The following ZC2HC1A variants were observed in gnomAD, a reference collection of about 807,000 sequenced individuals.
ZC2HC1A encodes the protein zinc finger C2HC domain-containing protein 1A.
ZC2HC1A carries 28 observed loss-of-function variants against 40.7 expected under a neutral mutation model. The ratio of observed to expected loss-of-function variants is 0.69; its 90% confidence interval spans 0.51 to 0.94. The LOEUF is 0.94. Ranked by LOEUF, ZC2HC1A falls within the 40% of genes least tolerant of loss-of-function variation. The pLI is 0.00. For missense variants in ZC2HC1A, 389 were observed against 386.3 expected, an observed-to-expected ratio of 1.01 and a Z score of -0.06; for synonymous variants, 129 against 129.2, an observed-to-expected ratio of 1.00 and a Z score of 0.01.
intron 6 of ZC2HC1A, 33 bp from the exon 7 acceptor site, chr8:78,698,381 G>A (rs1428535286): frequency 6.5e-7 from 1 of 1,538,350 alleles, no homozygotes; most frequent in Middle Eastern, 1.7e-4. Flanking sequence ...CTTTTTTAGA[G>A]TATTGTTAAA....
intron 7 of ZC2HC1A, among the ~76,000 whole-genome samples, chr8:78,708,196 C>T (rs1482289484): frequency 1.3e-5 from 2 of 152,254 alleles, no homozygotes; most frequent in South Asian, 4.1e-4. Flanking sequence ...ATAAATTGAG[C>T]ATTCGCTGAG....
At chr8:78,692,830 C>A (rs1421768108) in intron 5 of ZC2HC1A, among the ~76,000 whole-genome samples, 1 of 152,100 alleles carries the variant, frequency 6.6e-6, no homozygotes, top group Non-Finnish European at 1.5e-5. Flanking sequence ...GTGCTGCACC[C>A]ATTAACTCGT....
At chr8:78,712,107 G>A (rs975750969) in intron 7 of ZC2HC1A, 1 of 1,266,208 alleles carries the variant, frequency 7.9e-7, no homozygotes. Context: ...CTATTTACAA[G>A]TAAGTATTTG....
chr8:78,688,480 A>G (rs1482072868), intron 4 of ZC2HC1A, among the ~76,000 whole-genome samples: 1 of 152,194 alleles, frequency 6.6e-6, no homozygotes, highest in African/African-American at 2.4e-5. Flanking sequence ...ACCTGTTAAA[A>G]TAAGTTGTAA....
rs1054283 is a variant in ZC2HC1A at position 78,698,475 on chromosome 8, A to G, written c.666A>G (p.Leu222=). The change falls in exon 7 of 9, where the codon TTA becomes TTG. Residue 222 remains leucine, a synonymous_variant. Coordinates refer to ENST00000263849, the MANE Select transcript of ZC2HC1A (RefSeq NM_016010.3). ...CTTTGGGAAACAAACTTCAGACCTT[A>G]TCTCCCTCTCATAAAGGGATAGCAG... The part of the protein sequence containing the change: ...SSSLGNKLQT[L]SPSHKGIAAP... 1,190,477 of 1,610,586 alleles carry G rather than the reference A, an allele frequency of 0.74. 443,631 individuals carry two copies. Among genetic ancestry groups the G allele is most frequent in the East Asian group, 0.92 (41,111 of 44,796 alleles).
At chr8:78,709,144 A>ATTTTTT (rs1563638626) in intron 7 of ZC2HC1A, among the ~76,000 whole-genome samples, 1 of 152,204 alleles carries the variant, frequency 6.6e-6, no homozygotes, top group African/African-American at 2.4e-5. Context: ...AATATCAGAG[A>ATTTTTT]TTTACTTCCT....
chr8:78,677,831 G>A (rs1488524398), intron 2 of ZC2HC1A, among the ~76,000 whole-genome samples: 6 of 152,120 alleles, frequency 3.9e-5, no homozygotes, highest in African/African-American at 1.4e-4. Context: ...AGTTGATTAA[G>A]AAAGTAAAGG....
chr8:78,666,178 G>A lies in ZC2HC1A; in HGVS notation c.16+14G>A. On this transcript the variant is annotated intron_variant, in intron 1 of 8. Transcript: ENST00000263849. ...AGGGACTGGAAGGTGAGGCGATGAA[G>A]GGATGAGGGCAGGACGGCTAGAGCG... 4 of 1,574,196 alleles carry A rather than the reference G, an allele frequency of 2.5e-6. No individual in the cohort carries two copies. The highest frequency in any genetic ancestry group is 3.4e-6 in the Non-Finnish European group (4 of 1,160,178).
At chr8:78,685,253 C>G (rs1266948075) in intron 3 of ZC2HC1A, among the ~76,000 whole-genome samples, 1 of 16,624 alleles carries the variant, frequency 6.0e-5, no homozygotes, top group South Asian at 3.5e-3. Context: ...AACTGCATAG[C>G]CATGTTAAAA....
chr8:78,706,082 G>C (rs1470343577), intron 7 of ZC2HC1A, among the ~76,000 whole-genome samples: 1 of 152,086 alleles, frequency 6.6e-6, no homozygotes, highest in Non-Finnish European at 1.5e-5. Flanking sequence ...GCCTCTGGTT[G>C]GTTTGTACTC....
chr8:78,693,213 G>A (rs1810273702), intron 5 of ZC2HC1A, among the ~76,000 whole-genome samples: 3 of 152,124 alleles, frequency 2.0e-5, no homozygotes, highest in Admixed American at 2.0e-4. Flanking sequence ...TGTCTTTATA[G>A]CAGCATGATT....
intron 1 of ZC2HC1A, among the ~76,000 whole-genome samples, chr8:78,668,078 G>A (rs1809351587): frequency 1.3e-5 from 2 of 152,000 alleles, no homozygotes; most frequent in Admixed American, 1.3e-4. Flanking sequence ...TTGAATTCTG[G>A]TAATTTCAAG....
intron 7 of ZC2HC1A, among the ~76,000 whole-genome samples, chr8:78,714,221 G>A (rs969162299): frequency 6.6e-6 from 1 of 152,044 alleles, no homozygotes; most frequent in African/African-American, 2.4e-5. Flanking sequence ...GGTCACCTTG[G>A]GTAAGTTACT....
At chr8:78,702,159 G>T (rs895800387) in intron 7 of ZC2HC1A, among the ~76,000 whole-genome samples, 1 of 152,060 alleles carries the variant, frequency 6.6e-6, no homozygotes, top group East Asian at 1.9e-4. Context: ...CTCGTTATTT[G>T]TCTGTTCAGG....
chr8:78,717,503 C>CG lies in ZC2HC1A; in HGVS notation c.*10_*11insG. 2 of 1,256,620 alleles carry CG rather than the reference C, an allele frequency of 1.6e-6. No homozygotes were observed. The highest frequency in any genetic ancestry group is 2.1e-6 in the Non-Finnish European group (2 of 971,982). 77.8% of individuals were successfully genotyped at this position (1,256,620 alleles called of 1,614,324 possible). A position where few individuals can be genotyped will look rare whatever the true frequency, so the allele number is the denominator to read the frequency against. On this transcript the variant is annotated 3_prime_UTR_variant, in exon 9 of 9. Transcript: ENST00000263849. Reference sequence around the variant, plus strand: ...AAGAATGATTCTATGAATAGAATCTCAAAAAAAAAAAAAAGCCAAGTTCAG... The same window carrying CG: ...AAGAATGATTCTATGAATAGAATCTCGAAAAAAAAAAAAAAGCCAAGTTCAG...
Position 78,719,564 on chromosome 8 carries a change from C to T in ZC2HC1A, c.*2071C>T, listed in dbSNP as rs1389987260. 1.3e-5 allele frequency: 2 copies of T among 151,560 alleles called. No homozygotes were observed. Among genetic ancestry groups the T allele is most frequent in the African/African-American group, 4.8e-5 (2 of 41,336 alleles). The allele number at this position is 151,560 out of a possible 1,614,324, so 9.4% of individuals were successfully genotyped here. A position where few individuals can be genotyped will look rare whatever the true frequency, so the allele number is the denominator to read the frequency against. ...TGTATTTTATTTTTATTTATTTTCA[C>T]AAGTATTTGACAGTATGGTAGAATA... On this transcript the variant is annotated 3_prime_UTR_variant, in exon 9 of 9. Transcript: ENST00000263849.
intron 3 of ZC2HC1A, among the ~76,000 whole-genome samples, chr8:78,683,554 C>G (rs1444852861): frequency 1.3e-5 from 2 of 152,140 alleles, no homozygotes; most frequent in Non-Finnish European, 2.9e-5. Context: ...AGTAGGGGGG[C>G]CCTGGACCTG....
In ZC2HC1A at chr8:78,705,611, G is replaced by T. The variant is rs138517280; in HGVS notation, c.704+7098G>T. 8.6e-3 allele frequency among the ~76,000 whole-genome samples: 1,311 copies of T among 152,262 alleles called. 26 individuals are homozygous for T. Among genetic ancestry groups the T allele is most frequent in the African/African-American group, 0.03 (1,237 of 41,532 alleles). On this transcript the variant is annotated intron_variant, in intron 7 of 8. Transcript: ENST00000263849. ...GGCCACATTTTTATGGGACCACTGT[G>T]GTGTGCTGTTGTACCACTTCCACCT... is the stretch of plus-strand genomic sequence containing the variant.
intron 3 of ZC2HC1A, chr8:78,685,821 C>T (rs571648762): frequency 5.3e-5 from 8 of 152,202 alleles, no homozygotes; most frequent in South Asian, 2.1e-4. Context: ...GTGTTAGTCT[C>T]TTTTCTGCTG....
Sources: gnomAD v4.1 joint callset for allele counts (sites outside exome capture counted in the v4.1 genomes callset) on GRCh38, gnomAD v4.1.1 for gene constraint, MANE v1.5 for transcripts, NCBI Gene and HGNC (gene_info 2026-07-23, HGNC 2026-07-21) for gene names.